MRTFB: variants seen among roughly 807,000 people sequenced by gnomAD.
MRTFB encodes myocardin-related transcription factor B.
In MRTFB, 29 loss-of-function variants were observed where a neutral mutation model predicts 104.2. That is an observed-to-expected ratio of 0.28 (90% CI 0.21 to 0.38). The LOEUF (loss-of-function observed/expected upper bound fraction) is 0.38, where lower values mean the gene tolerates loss of function less well. Among genes scored for constraint, MRTFB ranks in the 10% least tolerant of loss-of-function variants. The pLI is 1.00. For synonymous variants in MRTFB, 535 were observed against 519.5 expected, an observed-to-expected ratio of 1.03 and a Z score of -0.41; for missense variants, 1,270 against 1,341.6, an observed-to-expected ratio of 0.95 and a Z score of 0.83.
At chr16:14,039,367 C>T in the MRTFB span, among the ~76,000 whole-genome samples, 1 of 152,032 alleles carries the variant, frequency 6.6e-6, no homozygotes, top group Non-Finnish European at 1.5e-5. Flanking sequence ...AAATCATATG[C>T]CATCAATTTC....
intron 10 of MRTFB, among the ~76,000 whole-genome samples, chr16:14,242,004 AATAATAATG>A (rs1368821776): frequency 1.5e-5 from 2 of 130,954 alleles, no homozygotes; most frequent in Non-Finnish European, 3.1e-5. Context: ...TAATAATAAT[AATAATAATG>A]GTAATGATGT....
At chr16:14,024,855 G>A in the MRTFB span, among the ~76,000 whole-genome samples, 4 of 152,118 alleles carry the variant, frequency 2.6e-5, no homozygotes, top group Non-Finnish European at 1.5e-5. Flanking sequence ...GTCATGAGGT[G>A]GCTGCTATTA....
intron 2 of MRTFB, among the ~76,000 whole-genome samples, chr16:14,091,221 A>G (rs1008591956): frequency 6.6e-6 from 1 of 152,144 alleles, no homozygotes; most frequent in African/African-American, 2.4e-5. Context: ...AGAGTTGTAG[A>G]AGACAGAGGC....
At chr16:14,047,725 G>A in the MRTFB span, among the ~76,000 whole-genome samples, 1 of 152,216 alleles carries the variant, frequency 6.6e-6, no homozygotes, top group Admixed American at 6.5e-5. Context: ...AGAACAGTAT[G>A]GGGGAACCAC....
chr16:14,032,148 C>T, the MRTFB span, among the ~76,000 whole-genome samples: 3 of 152,160 alleles, frequency 2.0e-5, no homozygotes, highest in East Asian at 1.9e-4. Context: ...TAGGAGACAG[C>T]GTCAGGATGG....
At chr16:14,243,953 G>A (rs1297084581) in intron 10 of MRTFB, among the ~76,000 whole-genome samples, 1 of 149,236 alleles carries the variant, frequency 6.7e-6, no homozygotes, top group Non-Finnish European at 1.5e-5. Flanking sequence ...TCTGCCTCTC[G>A]GGTTCACACC....
Position 14,169,655 on chromosome 16 carries a change from T to C in MRTFB, c.154+28895T>C, listed in dbSNP as rs535291495. Among the ~76,000 whole-genome samples, 9 of 152,308 alleles carry C rather than the reference T, an allele frequency of 5.9e-5. No individual in the cohort carries two copies. In the South Asian group the frequency reaches 1.9e-3, roughly 32 times the overall value. ...TCATTTTTAAGATCAGTTTTTAGAATTATAATACCTTAAAATTTGTTTAAA... is the reference window on the plus strand; with the variant it reads ...TCATTTTTAAGATCAGTTTTTAGAACTATAATACCTTAAAATTTGTTTAAA... On this transcript the variant is annotated intron_variant, in intron 3 of 16. Transcript: ENST00000571589.
chr16:14,042,654 T>G, the MRTFB span, among the ~76,000 whole-genome samples: 32 of 152,256 alleles, frequency 2.1e-4, no homozygotes, highest in Admixed American at 1.0e-3. Context: ...TCCCCATAAG[T>G]TCCCTGGCCT....
chr16:14,140,679 A>G lies in MRTFB; in HGVS notation c.73A>G (p.Ser25Gly). The G allele has an allele frequency of 6.2e-7, 1 of 1,614,154 alleles. No individual in the cohort carries two copies. The highest frequency in any genetic ancestry group is 8.5e-7 in the Non-Finnish European group (1 of 1,180,022). ...PLAHLAPSPQ[S>G]EAVAHEFQEL... is the part of the protein sequence containing the mutation. ...AGCCCATCTTGCTCCAAGTCCTCAGAGTGAAGCTGTGGCTCATGAATTCCA... is the reference window on the plus strand; with the variant it reads ...AGCCCATCTTGCTCCAAGTCCTCAGGGTGAAGCTGTGGCTCATGAATTCCA... Residue 25 changes from serine (S) to glycine (G), a missense_variant, in exon 3 of 17, where the codon AGT (serine) becomes GGT (glycine). Coordinates refer to ENST00000571589, the MANE Select transcript of MRTFB (RefSeq NM_001308142.2).
chr16:14,190,248 G>C (rs1334095710), intron 3 of MRTFB, among the ~76,000 whole-genome samples: 4 of 152,178 alleles, frequency 2.6e-5, no homozygotes, highest in African/African-American at 7.2e-5. Context: ...CCTTAGACTA[G>C]TTTCTTTTGT....
intron 10 of MRTFB, among the ~76,000 whole-genome samples, chr16:14,244,300 G>A (rs1392255901): frequency 1.3e-5 from 2 of 152,130 alleles, no homozygotes; most frequent in Admixed American, 6.5e-5. Context: ...CTCTTGATGC[G>A]TAGTTGGGTT....
intron 13 of MRTFB, among the ~76,000 whole-genome samples, chr16:14,249,762 C>T (rs1160931627): frequency 1.3e-5 from 2 of 152,168 alleles, no homozygotes; most frequent in Non-Finnish European, 2.9e-5. Flanking sequence ...AAATCTTATG[C>T]CTCAAAAATA....
At chr16:14,147,190 T>C (rs1360215603) in intron 3 of MRTFB, among the ~76,000 whole-genome samples, 24 of 152,248 alleles carry the variant, frequency 1.6e-4, no homozygotes, top group Admixed American at 1.6e-3. Flanking sequence ...GTATATACTC[T>C]GTGAATATAA....
intron 2 of MRTFB, among the ~76,000 whole-genome samples, chr16:14,108,174 A>T (rs1384527406): frequency 6.6e-6 from 1 of 152,206 alleles, no homozygotes; most frequent in Non-Finnish European, 1.5e-5. Context: ...GCTGGGCCCG[A>T]TGCTAGATGC....
intron 3 of MRTFB, among the ~76,000 whole-genome samples, chr16:14,196,110 A>G (rs1045222314): frequency 6.6e-6 from 1 of 152,216 alleles, no homozygotes; most frequent in Non-Finnish European, 1.5e-5. Context: ...AACTTTTGAC[A>G]AAAAGGAGAA....
At chr16:14,032,680 G>T in the MRTFB span, among the ~76,000 whole-genome samples, 1 of 152,120 alleles carries the variant, frequency 6.6e-6, no homozygotes, top group South Asian at 2.1e-4. Context: ...GGCTGAAGTG[G>T]GGGCAGTCTT....
chr16:14,242,214 G>A (rs550459717), intron 10 of MRTFB, among the ~76,000 whole-genome samples: 11 of 152,122 alleles, frequency 7.2e-5, no homozygotes, highest in African/African-American at 2.4e-4. Context: ...TTGGCTGTGC[G>A]ACTGGCTTTG....
chr16:14,224,721 T>C lies in MRTFB; in HGVS notation c.693+5723T>C, dbSNP rs563750882. Among the ~76,000 whole-genome samples, 5 of 152,236 alleles carry C rather than the reference T, an allele frequency of 3.3e-5. No individual in the cohort carries two copies. In the East Asian group the frequency reaches 9.6e-4, roughly 29 times the overall value. ...AAAGAAGAAAACAGTCACCTGAAAA[T>C]TGTATATCCAGCAAAATTGTTTTCA... On this transcript the variant is annotated intron_variant, in intron 8 of 16. Transcript: ENST00000571589.
chr16:14,222,610 G>A (rs1376191584), intron 8 of MRTFB, among the ~76,000 whole-genome samples: 1 of 151,810 alleles, frequency 6.6e-6, no homozygotes, highest in Non-Finnish European at 1.5e-5. Context: ...ACTGAGGCAG[G>A]GGGCAGTGGC....
Sources: allele counts gnomAD v4.1 joint callset (sites outside exome capture counted in the v4.1 genomes callset), GRCh38; gene constraint gnomAD v4.1.1; transcripts MANE v1.5; gene names NCBI Gene and HGNC (gene_info 2026-07-23, HGNC 2026-07-21).